KLF8: variants seen among roughly 807,000 people sequenced by gnomAD.
KLF8 encodes the protein Krueppel-like factor 8.
KLF8 carries 10 observed loss-of-function variants against 18.2 expected under a neutral mutation model. That is an observed-to-expected ratio of 0.55 (90% CI 0.34 to 0.93). The LOEUF (loss-of-function observed/expected upper bound fraction) is 0.93, where lower values mean the gene tolerates loss of function less well. Ranked by LOEUF, KLF8 falls within the 40% of genes least tolerant of loss-of-function variation. The probability of loss-of-function intolerance (pLI) is 0.02; values close to 1 mark genes in which losing one functional copy is unlikely to be tolerated. For synonymous variants in KLF8, 109 were observed against 97.3 expected (o/e 1.12, Z -0.71); for missense variants, 264 against 277.9 (o/e 0.95, Z 0.36).
chrX:56,019,615 T>G, the KLF8 span, among the ~76,000 whole-genome samples: 1 of 111,634 alleles, frequency 9.0e-6, no homozygotes, highest in African/African-American at 3.3e-5. Flanking sequence ...AAAGCAGAGG[T>G]GGGTACATAA....
At chrX:56,050,140 T>C in the KLF8 span, among the ~76,000 whole-genome samples, 2 of 110,530 alleles carry the variant, frequency 1.8e-5, no homozygotes, top group Non-Finnish European at 3.8e-5. Context: ...TTATTGCGTC[T>C]ATTTGATTCT....
the KLF8 span, among the ~76,000 whole-genome samples, chrX:56,135,086 C>A: frequency 6.3e-5 from 7 of 111,514 alleles, no homozygotes; most frequent in Non-Finnish European, 1.1e-4. Flanking sequence ...AATGGGAACA[C>A]TTTTACACTG....
At chrX:56,137,405 C>G in the KLF8 span, among the ~76,000 whole-genome samples, 5 of 105,791 alleles carry the variant, frequency 4.7e-5, no homozygotes, top group South Asian at 8.9e-4. Flanking sequence ...CACATATACA[C>G]CATGGAATAC....
chrX:56,119,655 C>CT, the KLF8 span, among the ~76,000 whole-genome samples: 76 of 110,153 alleles, frequency 6.9e-4, no homozygotes, highest in Admixed American at 5.6e-3. Context: ...CCGCCTTTGC[C>CT]TCCCAAAGTG....
intron 5 of KLF8, among the ~76,000 whole-genome samples, chrX:56,272,351 C>T (rs2067068638): frequency 9.0e-6 from 1 of 111,098 alleles, no homozygotes; most frequent in African/African-American, 3.3e-5. Flanking sequence ...GCTGGGATTA[C>T]AGGCATGTGC....
At chrX:56,214,470 G>A in the KLF8 span, among the ~76,000 whole-genome samples, 1 of 112,298 alleles carries the variant, frequency 8.9e-6, no homozygotes. Flanking sequence ...CAGTATTTCA[G>A]AATGTGACCT....
the KLF8 span, among the ~76,000 whole-genome samples, chrX:56,037,759 C>T: frequency 9.1e-6 from 1 of 110,296 alleles, no homozygotes; most frequent in South Asian, 3.9e-4. Flanking sequence ...GTGAAATAAA[C>T]ACATCAAGGA....
At chrX:55,935,322 G>T in the KLF8 span, among the ~76,000 whole-genome samples, 6 of 111,577 alleles carry the variant, frequency 5.4e-5, no homozygotes, top group African/African-American at 2.0e-4. Flanking sequence ...CTCCAAATGT[G>T]GTCCATAGAC....
the KLF8 span, among the ~76,000 whole-genome samples, chrX:56,152,947 G>T: frequency 8.9e-6 from 1 of 111,796 alleles, no homozygotes; most frequent in Non-Finnish European, 1.9e-5. Flanking sequence ...AAATTCCTTA[G>T]ATTGTTGAGC....
chrX:56,024,332 G>A, the KLF8 span, among the ~76,000 whole-genome samples: 3 of 109,303 alleles, frequency 2.7e-5, 1 homozygote, highest in South Asian at 8.0e-4. Flanking sequence ...CTCAGCTTCC[G>A]AAATAGCTGG....
the KLF8 span, among the ~76,000 whole-genome samples, chrX:56,117,863 G>C: frequency 9.0e-6 from 1 of 111,595 alleles, no homozygotes; most frequent in Non-Finnish European, 1.9e-5. Context: ...CCATAGATTG[G>C]GTGGCTTATA....
the KLF8 span, among the ~76,000 whole-genome samples, chrX:56,183,106 G>A: frequency 4.5e-5 from 5 of 112,154 alleles, no homozygotes; most frequent in Admixed American, 1.9e-4. Context: ...CTTGAGCTGC[G>A]GTGGGCTCCA....
At chrX:55,981,371 A>T in the KLF8 span, among the ~76,000 whole-genome samples, 2 of 111,952 alleles carry the variant, frequency 1.8e-5, no homozygotes, top group African/African-American at 6.5e-5. Flanking sequence ...TATTGGCAGC[A>T]GTGTATACAT....
At chrX:56,056,964 G>A in the KLF8 span, among the ~76,000 whole-genome samples, 11 of 111,429 alleles carry the variant, frequency 9.9e-5, no homozygotes, top group African/African-American at 2.9e-4. Context: ...GAATCTGTTC[G>A]TTTTTGCATG....
At chrX:56,086,744 C>T in the KLF8 span, among the ~76,000 whole-genome samples, 1 of 110,782 alleles carries the variant, frequency 9.0e-6, no homozygotes, top group Admixed American at 9.7e-5. Flanking sequence ...AGTCTAAAAC[C>T]TTCTTAAAGA....
chrX:56,161,028 C>A, the KLF8 span, among the ~76,000 whole-genome samples: 1 of 111,203 alleles, frequency 9.0e-6, no homozygotes, highest in Non-Finnish European at 1.9e-5. Flanking sequence ...TGGCTGGTAC[C>A]GGTTGTTCCT....
the KLF8 span, among the ~76,000 whole-genome samples, chrX:56,060,085 G>A: frequency 4.5e-5 from 5 of 111,432 alleles, no homozygotes; most frequent in Non-Finnish European, 9.4e-5. Context: ...GGAGATTTGG[G>A]GCTGAGATGA....
At chrX:56,188,778 C>T in the KLF8 span, among the ~76,000 whole-genome samples, 6 of 111,998 alleles carry the variant, frequency 5.4e-5, no homozygotes, top group Admixed American at 9.5e-5. Flanking sequence ...GAAAGAATTC[C>T]GTATTTAACA....
chrX:56,001,021 C>A, the KLF8 span, among the ~76,000 whole-genome samples: 1 of 111,558 alleles, frequency 9.0e-6, no homozygotes, highest in South Asian at 3.8e-4. Flanking sequence ...GAACAAAGCA[C>A]CACAGCCATA....
Sources: gnomAD v4.1 joint callset for allele counts (sites outside exome capture counted in the v4.1 genomes callset) on GRCh38, gnomAD v4.1.1 for gene constraint, MANE v1.5 for transcripts, NCBI Gene and HGNC (gene_info 2026-07-23, HGNC 2026-07-21) for gene names.